The following KLHL18 variants were observed in gnomAD, a reference collection of about 807,000 sequenced individuals.
KLHL18 encodes kelch-like protein 18.
Under a neutral mutation model 58.5 loss-of-function variants are expected in KLHL18, and 38 were observed. That is an observed-to-expected ratio of 0.65 (90% CI 0.50 to 0.85). The LOEUF is 0.85. Ranked by LOEUF, KLHL18 falls within the 40% of genes least tolerant of loss-of-function variation. The pLI is 0.00. For synonymous variants in KLHL18, 303 were observed against 301.9 expected (o/e 1.00, Z -0.04); for missense variants, 624 against 778.4 (o/e 0.80, Z 2.36).
chr3:47,289,446 A>G (rs1702744684), intron 1 of KLHL18, among the ~76,000 whole-genome samples: 1 of 152,236 alleles, frequency 6.6e-6, no homozygotes, highest in African/African-American at 2.4e-5. Context: ...CAAGAGCTAC[A>G]CATTTGAATC....
intron 1 of KLHL18, among the ~76,000 whole-genome samples, chr3:47,317,309 T>C (rs1357586900): frequency 6.6e-6 from 1 of 152,134 alleles, no homozygotes; most frequent in Non-Finnish European, 1.5e-5. Flanking sequence ...AGACGGGGTT[T>C]CACCATGTTG....
At position 47,346,625 on chromosome 3, in the gene KLHL18, CCTTCT is replaced by C. The variant is rs928433688; in HGVS notation, c.*2690_*2694del. 6.6e-6 allele frequency: 1 copy of C among 152,632 alleles called. No homozygotes were observed. Among genetic ancestry groups the C allele is most frequent in the African/African-American group, 2.4e-5 (1 of 41,450 alleles). The allele number at this position is 152,632 out of a possible 1,614,324, so 9.5% of individuals were successfully genotyped here. Reference sequence around the variant, plus strand: ...TTCACCTTCTTGGATAACACACGGGCCTTCTCTTCTGGATTTCATCAGAGATTACA... The same window carrying C: ...TTCACCTTCTTGGATAACACACGGGCCTTCTGGATTTCATCAGAGATTACA... On this transcript the variant is annotated 3_prime_UTR_variant, in exon 10 of 10. Transcript: ENST00000232766.
chr3:47,336,558 G>C lies in KLHL18; in HGVS notation c.922G>C (p.Val308Leu), dbSNP rs1486086863. 6.2e-7 allele frequency: 1 copy of C among 1,614,010 alleles called. No individual in the cohort carries two copies. The highest frequency in any genetic ancestry group is 8.5e-7 in the Non-Finnish European group (1 of 1,179,822). ...AGGTGATTCCCTGAATGTGGTGGAA[G>C]TGTTCGACCCCATTGCCAATTGCTG... The part of the protein sequence containing the change: ...SAGDSLNVVE[V>L]FDPIANCWER... Residue 308 changes from valine to leucine, a missense_variant, in exon 7 of 10, where the codon GTG becomes CTG. By Grantham distance (32) the Val-to-Leu change is conservative (BLOSUM62 1). Transcript: ENST00000232766.
At chr3:47,297,818 G>A in intron 1 of KLHL18, 1 of 349,442 alleles carries the variant, frequency 2.9e-6, no homozygotes, top group Non-Finnish European at 5.6e-6. Flanking sequence ...TCTTTGGGAA[G>A]AATATTCAGC....
Position 47,330,147 on chromosome 3 carries a change from C to G in KLHL18, c.598C>G (p.Gln200Glu). The change falls in exon 4 of 10, where the codon CAG becomes GAG. Residue 200 changes from glutamine (Q) to glutamate (E), a missense_variant and splice_region_variant. Gln to Glu is a conservative substitution (Grantham distance 29). Transcript: ENST00000232766. Reference protein sequence around the residue: ...RDELNVKSEEQVFEAALAWVR... With the variant: ...RDELNVKSEEEVFEAALAWVR... Reference sequence around the variant, plus strand: ...TGAGCTGAATGTCAAATCTGAGGAGCAGGTATGTGAGCCCAGTAGCAGTCT... The same window carrying G: ...TGAGCTGAATGTCAAATCTGAGGAGGAGGTATGTGAGCCCAGTAGCAGTCT... The G allele has an allele frequency of 6.2e-7, 1 of 1,613,970 alleles. No homozygotes were observed. The highest frequency in any genetic ancestry group is 1.1e-5 in the South Asian group (1 of 91,070).
intron 1 of KLHL18, among the ~76,000 whole-genome samples, chr3:47,293,745 A>G (rs1307139957): frequency 6.6e-6 from 1 of 152,184 alleles, no homozygotes; most frequent in Non-Finnish European, 1.5e-5. Flanking sequence ...CAAACCTATA[A>G]TTCTACCCCA....
At chr3:47,321,546 T>C (rs1407744595) in intron 2 of KLHL18, among the ~76,000 whole-genome samples, 1 of 151,962 alleles carries the variant, frequency 6.6e-6, no homozygotes, top group Admixed American at 6.6e-5. Flanking sequence ...CACAGGGTTT[T>C]GCCATGTTGG....
chr3:47,336,951 C>CCTG, intron 7 of KLHL18, 194 bp downstream of exon 7: 1 of 579,726 alleles, frequency 1.7e-6, no homozygotes, highest in Admixed American at 3.1e-5. Context: ...CCACCTTGTC[C>CCTG]TTTGGGGAAC....
At chr3:47,327,963 C>G (rs1703763554) in intron 3 of KLHL18, among the ~76,000 whole-genome samples, 1 of 152,174 alleles carries the variant, frequency 6.6e-6, no homozygotes. Flanking sequence ...ACCATCCCTA[C>G]AGAGAATCAG....
intron 1 of KLHL18, among the ~76,000 whole-genome samples, chr3:47,310,053 G>C (rs1321149519): frequency 6.6e-6 from 1 of 152,192 alleles, no homozygotes; most frequent in African/African-American, 2.4e-5. Flanking sequence ...GTGAGCTCCT[G>C]AAGGTAGGAA....
chr3:47,340,493 G>A (rs1278715770), intron 7 of KLHL18, 79 bp from the exon 8 acceptor site: 2 of 1,601,638 alleles, frequency 1.2e-6, no homozygotes, highest in Non-Finnish European at 1.7e-6. Flanking sequence ...GCAATTGATA[G>A]GTTTGTTTCT....
At position 47,344,298 on chromosome 3, in the gene KLHL18, G is replaced by T. The variant is rs528198582; in HGVS notation, c.*357G>T. On this transcript the variant is annotated 3_prime_UTR_variant, in exon 10 of 10. Coordinates refer to ENST00000232766, the MANE Select transcript of KLHL18 (RefSeq NM_025010.5). ...GGCCTTCCATCTGATGCTCCCCATC[G>T]CCTGCTTGCTCTCCAGCCGAGTCTG... 147 of 308,208 alleles carry T rather than the reference G, an allele frequency of 4.8e-4. No individual in the cohort carries two copies. The highest frequency in any genetic ancestry group is 2.5e-3 in the African/African-American group (115 of 45,122). The allele number at this position is 308,208 out of a possible 1,614,324, so 19.1% of individuals were successfully genotyped here.
At chr3:47,336,292 A>T (rs563935685) in intron 6 of KLHL18, among the ~76,000 whole-genome samples, 1 of 152,134 alleles carries the variant, frequency 6.6e-6, no homozygotes, top group African/African-American at 2.4e-5. Context: ...GGAGTACCTG[A>T]TTGTAACTGA....
chr3:47,344,981 G>A lies in KLHL18; in HGVS notation c.*1040G>A, dbSNP rs1257145431. 6.6e-6 allele frequency: 1 copy of A among 152,566 alleles called. No individual in the cohort carries two copies. The highest frequency in any genetic ancestry group is 1.9e-4 in the East Asian group (1 of 5,200). The allele number at this position is 152,566 out of a possible 1,614,324, so 9.5% of individuals were successfully genotyped here. On this transcript the variant is annotated 3_prime_UTR_variant, in exon 10 of 10. Coordinates refer to ENST00000232766, the MANE Select transcript of KLHL18 (RefSeq NM_025010.5). ...TGCTGAATTACTGCCACTCTTCTTG[G>A]TGGGGGCTCCTAGCTGTGGCTGGGG...
At chr3:47,313,902 C>CA (rs1450278557) in intron 1 of KLHL18, among the ~76,000 whole-genome samples, 4 of 152,164 alleles carry the variant, frequency 2.6e-5, no homozygotes, top group Admixed American at 1.3e-4. Context: ...GAACATGATT[C>CA]ACAGTAGCTG....
In KLHL18 at chr3:47,343,847, A is replaced by G. The variant is rs1704168223; in HGVS notation, c.1631A>G (p.Tyr544Cys). 2 of 1,614,180 alleles carry G rather than the reference A, an allele frequency of 1.2e-6. No homozygotes were observed. Among genetic ancestry groups the G allele is most frequent in the African/African-American group, 1.3e-5 (1 of 75,042 alleles). ...GQSNLSSVEM[Y>C]DPETDCWTFM... Reference sequence around the variant, plus strand: ...TCAAACCTAAGCTCAGTGGAGATGTATGACCCAGAGACAGACTGCTGGACA... The same window carrying G: ...TCAAACCTAAGCTCAGTGGAGATGTGTGACCCAGAGACAGACTGCTGGACA... Residue 544 changes from tyrosine to cysteine, a missense_variant, in exon 10 of 10, where the codon TAT (tyrosine) becomes TGT (cysteine). Coordinates refer to ENST00000232766, the MANE Select transcript of KLHL18 (RefSeq NM_025010.5).
At chr3:47,299,826 C>CAAAAAAA (rs55695849) in intron 1 of KLHL18, among the ~76,000 whole-genome samples, 1 of 43,786 alleles carries the variant, frequency 2.3e-5, no homozygotes, top group Non-Finnish European at 3.7e-5. Flanking sequence ...TACTGTGTCT[C>CAAAAAAA]AAAAAAAAAA....
chr3:47,309,787 TAGG>T (rs1342318526), intron 1 of KLHL18, among the ~76,000 whole-genome samples: 4 of 151,874 alleles, frequency 2.6e-5, no homozygotes, highest in Non-Finnish European at 5.9e-5. Context: ...CACTCGCGGT[TAGG>T]AGCTGGAGAC....
intron 1 of KLHL18, among the ~76,000 whole-genome samples, chr3:47,316,461 A>G (rs1703423275): frequency 7.4e-6 from 1 of 134,768 alleles, no homozygotes; most frequent in African/African-American, 2.8e-5. Flanking sequence ...GTCTGTACAA[A>G]TATATATATA....
Sources: allele counts gnomAD v4.1 joint callset (sites outside exome capture counted in the v4.1 genomes callset), GRCh38; gene constraint gnomAD v4.1.1; transcripts MANE v1.5; gene names NCBI Gene and HGNC (gene_info 2026-07-23, HGNC 2026-07-21).